MAX: variants seen among roughly 807,000 people sequenced by gnomAD.
The protein encoded by MAX is MYC associated transcriptional regulator X.
In MAX, 3 loss-of-function variants were observed where a neutral mutation model predicts 22.3. That is an observed-to-expected ratio of 0.13 (90% CI 0.06 to 0.35). MAX has a LOEUF of 0.35. MAX is among the 10% of genes least tolerant of loss of function. MAX has a pLI of 1.00. For missense variants in MAX, 119 were observed against 209.4 expected (o/e 0.57, Z 2.66); for synonymous variants, 72 against 77.7 (o/e 0.93, Z 0.39).
Position 65,076,105 on chromosome 14 carries a change from C to T in MAX, c.*371G>A. On this transcript the variant is annotated 3_prime_UTR_variant, in exon 5 of 5. Coordinates refer to ENST00000358664, the MANE Select transcript of MAX (RefSeq NM_002382.5). This position sits in a 1 kb window ranked among gnomAD's most constrained non-coding sequence, Gnocchi z 6.6. ...AGGCCACCTGGGCAGGGCAGGCGTC[C>T]CCCGGGCATGTGCCCGGCAGGGCTG... is the stretch of plus-strand genomic sequence containing the variant. The T allele has an allele frequency of 7.8e-7, 1 of 1,275,252 alleles. No homozygotes were observed. Among genetic ancestry groups the T allele is most frequent in the Non-Finnish European group, 9.9e-7 (1 of 1,008,534 alleles). The allele number at this position is 1,275,252 out of a possible 1,614,324, so 79.0% of individuals were successfully genotyped here. A position where few individuals can be genotyped will look rare whatever the true frequency, so the allele number is the denominator to read the frequency against.
At chr14:65,045,710 C>A (rs979256557) in intron 3 of MAX, among the ~76,000 whole-genome samples, 3 of 152,164 alleles carry the variant, frequency 2.0e-5, no homozygotes, top group African/African-American at 7.2e-5. Context: ...GCCACCGCAC[C>A]CGGCCCTGAG....
Position 65,075,162 on chromosome 14 carries a change from T to C in MAX, c.*1314A>G. Reference sequence around the variant, plus strand: ...TAAGTTTTTATTTATAGTCTTATAGTAAAGGGGGAAGCCTTAACTTGCAAG... The same window carrying C: ...TAAGTTTTTATTTATAGTCTTATAGCAAAGGGGGAAGCCTTAACTTGCAAG... On this transcript the variant is annotated 3_prime_UTR_variant, in exon 5 of 5. Coordinates refer to ENST00000358664, the MANE Select transcript of MAX (RefSeq NM_002382.5). This position sits in a 1 kb window ranked among gnomAD's most constrained non-coding sequence, Gnocchi z 4.1. 7 of 1,030,054 alleles carry C rather than the reference T, an allele frequency of 6.8e-6. No individual in the cohort carries two copies. Among genetic ancestry groups the C allele is most frequent in the Non-Finnish European group, 8.2e-6 (7 of 857,038 alleles). The allele number at this position is 1,030,054 out of a possible 1,614,324, so 63.8% of individuals were successfully genotyped here.
Position 65,027,670 on chromosome 14 carries a change from C to G in MAX, c.172-21386G>C. 1 of 1,614,154 alleles carries G rather than the reference C, an allele frequency of 6.2e-7. No individual in the cohort carries two copies. Among genetic ancestry groups the G allele is most frequent in the Non-Finnish European group, 8.5e-7 (1 of 1,180,006 alleles). On this transcript the variant is annotated intron_variant, in intron 3 of 3. Transcript: ENST00000341653. The surrounding 1 kb of genome is among the most constrained non-coding windows in gnomAD (Gnocchi z 5.7). ...CCTGCTGACACGCACTGACTGTTGC[C>G]TCTCCTACCTCTTTCCCTGTTTCTC...
chr14:65,085,347 G>T (rs2139808364), intron 3 of MAX, among the ~76,000 whole-genome samples: 1 of 152,268 alleles, frequency 6.6e-6, no homozygotes, highest in South Asian at 2.1e-4. Context: ...AGGAAGGAGG[G>T]ATTCATGTTT....
In MAX at chr14:65,077,433, G is replaced by A. The variant is rs752566782; in HGVS notation, c.295+480C>T. 1 of 1,599,594 alleles carries A rather than the reference G, an allele frequency of 6.3e-7. No homozygotes were observed. On this transcript the variant is annotated intron_variant, in intron 4 of 4. Transcript: ENST00000358664. This position sits in a 1 kb window ranked among gnomAD's most constrained non-coding sequence, Gnocchi z 6.3. ...TTGATCAGCTCTCGCTTTCCCCTGTGGTTGTAGGAAAAGGCGGGTGTGAGC... is the reference window on the plus strand; with the variant it reads ...TTGATCAGCTCTCGCTTTCCCCTGTAGTTGTAGGAAAAGGCGGGTGTGAGC...
Position 65,078,125 on chromosome 14 carries a change from G to T in MAX, c.172-89C>A. ...CCTGGCCTGCAGCAACTGCTTGGGT[G>T]GCTGGAAACGAGAGGGTAAGGTGGG... is the stretch of plus-strand genomic sequence containing the variant. On this transcript the variant is annotated intron_variant, in intron 3 of 4. Transcript: ENST00000358664. This position sits in a 1 kb window ranked among gnomAD's most constrained non-coding sequence, Gnocchi z 6.4. 6.8e-7 allele frequency: 1 copy of T among 1,465,566 alleles called. No homozygotes were observed. The highest frequency in any genetic ancestry group is 9.5e-7 in the Non-Finnish European group (1 of 1,048,166). The allele number at this position is 1,465,566 out of a possible 1,614,324, so 90.8% of individuals were successfully genotyped here. A position where few individuals can be genotyped will look rare whatever the true frequency, so the allele number is the denominator to read the frequency against.
rs1335808058 is a variant in MAX, at chr14:65,007,888, T to C, written c.172-1604A>G. Among the ~76,000 whole-genome samples the C allele has an allele frequency of 6.6e-6, 1 of 152,220 alleles. No individual in the cohort carries two copies. Among genetic ancestry groups the C allele is most frequent in the Non-Finnish European group, 1.5e-5 (1 of 68,030 alleles). ...GGTGCTCCTCAGAAGTGAGAAATATTGATAATGTCCCTGTGCTAATAGAGC... is the reference window on the plus strand; with the variant it reads ...GGTGCTCCTCAGAAGTGAGAAATATCGATAATGTCCCTGTGCTAATAGAGC... On this transcript the variant is annotated intron_variant, in intron 3 of 3. Transcript: ENST00000341653. The surrounding 1 kb of genome is among the most constrained non-coding windows in gnomAD (Gnocchi z 4.9).
downstream of MAX, among the ~76,000 whole-genome samples, chr14:65,071,868 A>C (rs2062990824): frequency 6.6e-6 from 1 of 152,242 alleles, no homozygotes; most frequent in African/African-American, 2.4e-5. The surrounding 1 kb of genome is among the most constrained non-coding windows in gnomAD (Gnocchi z 4.2). Context: ...GCAGTCACCC[A>C]GTCCTACCTA....
intron 3 of MAX, among the ~76,000 whole-genome samples, chr14:65,056,336 TAC>T (rs2062736267): frequency 6.6e-6 from 1 of 152,226 alleles, no homozygotes; most frequent in Admixed American, 6.5e-5. Flanking sequence ...TTTTTGCTAT[TAC>T]AGTGTTGCAG....
rs563468928 is a variant in MAX, at chr14:65,031,979, C to CGTGT, written c.172-25699_172-25696dup. Among the ~76,000 whole-genome samples, 9,347 of 141,186 alleles carry CGTGT rather than the reference C, an allele frequency of 0.066. 315 individuals are homozygous for CGTGT. Among genetic ancestry groups the CGTGT allele is most frequent in the Non-Finnish European group, 0.076 (4,895 of 64,654 alleles). 92.6% of individuals were successfully genotyped at this position (141,186 alleles called of 152,430 possible). ...ATAGACGTGCGCCTTTTTCATTTAA[C>CGTGT]GTGTGTGTGTGTGTGTGTGTGTGTG... On this transcript the variant is annotated intron_variant, in intron 3 of 3. Coordinates refer to the MAX transcript ENST00000341653. The surrounding 1 kb of genome is among the most constrained non-coding windows in gnomAD (Gnocchi z 4.6).
In MAX at chr14:65,076,385, T is replaced by C; in HGVS notation, c.*91A>G. The C allele has an allele frequency of 6.2e-7, 1 of 1,605,388 alleles. No homozygotes were observed. The highest frequency in any genetic ancestry group is 8.5e-7 in the Non-Finnish European group (1 of 1,175,898). On this transcript the variant is annotated 3_prime_UTR_variant, in exon 5 of 5. Transcript: ENST00000358664. The surrounding 1 kb of genome is among the most constrained non-coding windows in gnomAD (Gnocchi z 6.6). ...GAGAAAGAGAAAAATAAAGAGTCTC[T>C]TAAATGGTTCTGAGGGCTCTACCAA...
At chr14:65,052,163 C>CTGTATCATAAAAAGAA (rs2062630871) in intron 3 of MAX, among the ~76,000 whole-genome samples, 2 of 152,034 alleles carry the variant, frequency 1.3e-5, no homozygotes, top group African/African-American at 4.8e-5. Context: ...GATACAGTTA[C>CTGTATCATAAAAAGAA]CTTATATGTC....
At chr14:65,095,727 T>C (rs549340715) in intron 2 of MAX, among the ~76,000 whole-genome samples, 78 of 152,316 alleles carry the variant, frequency 5.1e-4, no homozygotes, top group African/African-American at 1.8e-3. Flanking sequence ...CAGCCCAAGA[T>C]ACTCCTGTCT....
At position 65,101,537 on chromosome 14, in the gene MAX, G is replaced by A. The variant is rs1172912017; in HGVS notation, c.63+9C>T. On this transcript the variant is annotated intron_variant, in intron 2 of 4. Coordinates refer to ENST00000358664, the MANE Select transcript of MAX (RefSeq NM_002382.5). ...GAAATAAAAATGAAATGGAGAGTAG[G>A]AGACGTACCGCAGATTGAAACCTCG... 1 of 1,609,188 alleles carries A rather than the reference G, an allele frequency of 6.2e-7. No homozygotes were observed. The highest frequency in any genetic ancestry group is 1.3e-5 in the African/African-American group (1 of 74,818).
intron 2 of MAX, among the ~76,000 whole-genome samples, chr14:65,095,937 T>A (rs1183789815): frequency 6.6e-6 from 1 of 152,182 alleles, no homozygotes; most frequent in East Asian, 1.9e-4. Flanking sequence ...CTAAGTATAA[T>A]CTAACACCAA....
chr14:65,025,858 A>G (rs1277326731), intron 3 of MAX, among the ~76,000 whole-genome samples: 1 of 152,140 alleles, frequency 6.6e-6, no homozygotes, highest in Non-Finnish European at 1.5e-5. Context: ...ATTGTTTTCA[A>G]CTTCAGTTTC....
intron 3 of MAX, among the ~76,000 whole-genome samples, chr14:65,040,317 G>T (rs1474554142): frequency 6.8e-6 from 1 of 146,640 alleles, no homozygotes; most frequent in Non-Finnish European, 1.5e-5. Context: ...GTGTATATAT[G>T]TACATATATG....
rs1595124692 is a variant in MAX at position 65,075,288 on chromosome 14, C to G, written c.*1188G>C. 1 of 1,061,434 alleles carries G rather than the reference C, an allele frequency of 9.4e-7. No homozygotes were observed. The highest frequency in any genetic ancestry group is 1.6e-5 in the African/African-American group (1 of 60,754). 65.8% of individuals were successfully genotyped at this position (1,061,434 alleles called of 1,614,324 possible). On this transcript the variant is annotated 3_prime_UTR_variant, in exon 5 of 5. Transcript: ENST00000358664. The surrounding 1 kb of genome is among the most constrained non-coding windows in gnomAD (Gnocchi z 4.1). Reference sequence around the variant, plus strand: ...GTATACACTAGAAATCAGCAAATGCCAGGAACGGAGTAGGAAAAAGACAAA... The same window carrying G: ...GTATACACTAGAAATCAGCAAATGCGAGGAACGGAGTAGGAAAAAGACAAA...
Position 65,077,804 on chromosome 14 carries a change from T to TA in MAX, c.295+108dup. 2 of 1,614,148 alleles carry TA rather than the reference T, an allele frequency of 1.2e-6. No individual in the cohort carries two copies. The highest frequency in any genetic ancestry group is 1.1e-5 in the South Asian group (1 of 91,080). On this transcript the variant is annotated intron_variant, in intron 4 of 4. Coordinates refer to ENST00000358664, the MANE Select transcript of MAX (RefSeq NM_002382.5). The surrounding 1 kb of genome is among the most constrained non-coding windows in gnomAD (Gnocchi z 6.3). ...CCCCAAGAAGCAGGACCAAGCCTGCTACTGAGCACATACTCCATGACTGGC... is the reference window on the plus strand; with the variant it reads ...CCCCAAGAAGCAGGACCAAGCCTGCTAACTGAGCACATACTCCATGACTGGC...
Sources: gnomAD v4.1 joint callset for allele counts (sites outside exome capture counted in the v4.1 genomes callset) on GRCh38, gnomAD v4.1.1 for gene constraint, Gnocchi (gnomAD v3.1) non-coding constraint, MANE v1.5 for transcripts, NCBI Gene and HGNC (gene_info 2026-07-23, HGNC 2026-07-21) for gene names.